DNAH11: variants seen among roughly 807,000 people sequenced by gnomAD.
DNAH11 encodes the protein dynein axonemal heavy chain 11.
In DNAH11, 442 loss-of-function variants were observed where a neutral mutation model predicts 526.0. The ratio of observed to expected loss-of-function variants is 0.84; its 90% CI spans 0.78 to 0.91. DNAH11 has a LOEUF of 0.91. Ranked by LOEUF, DNAH11 falls within the 40% of genes least tolerant of loss-of-function variation. The pLI is 0.00. For synonymous variants in DNAH11, 2,461 were observed against 1,935.9 expected, an observed-to-expected ratio of 1.27 and a Z score of -7.12; for missense variants, 6,989 against 5,448.7, an observed-to-expected ratio of 1.28 and a Z score of -8.90.
intron 62 of DNAH11, among the ~76,000 whole-genome samples, chr7:21,804,082 TTTTTGTTTTGTTTTG>T (rs10549465): frequency 2.3e-3 from 346 of 147,578 alleles, no homozygotes; most frequent in African/African-American, 6.6e-3. Context: ...GTAGTAGTTT[TTTTTGTTTTGTTTTG>T]TTTTGTTTTG....
intron 28 of DNAH11, 139 bp downstream of exon 28, chr7:21,639,204 C>A: frequency 1.9e-6 from 2 of 1,051,744 alleles, no homozygotes; most frequent in Non-Finnish European, 2.7e-6. Context: ...TGTAATGTAG[C>A]ATCAGAGGGA....
chr7:21,854,254 G>C, intron 67 of DNAH11, 61 bp from the exon 68 acceptor site: 1 of 1,553,462 alleles, frequency 6.4e-7, no homozygotes, highest in African/African-American at 1.4e-5. Flanking sequence ...TCCATTCCTT[G>C]GATATGCGTA....
At chr7:21,897,043 C>G (rs1022563764) in intron 79 of DNAH11, among the ~76,000 whole-genome samples, 7 of 152,188 alleles carry the variant, frequency 4.6e-5, no homozygotes, top group African/African-American at 1.7e-4. Context: ...CCACTGCATT[C>G]TAGCCTGGGT....
intron 51 of DNAH11, among the ~76,000 whole-genome samples, chr7:21,745,671 G>A (rs879897421): frequency 1.3e-5 from 2 of 152,172 alleles, no homozygotes; most frequent in East Asian, 1.9e-4. Flanking sequence ...ACATGTTAGC[G>A]ACGAAAATGG....
chr7:21,565,642 A>C (rs1783637189), intron 6 of DNAH11, among the ~76,000 whole-genome samples: 1 of 152,132 alleles, frequency 6.6e-6, no homozygotes, highest in Non-Finnish European at 1.5e-5. Flanking sequence ...ACCTGGATTG[A>C]AATCTAATTT....
chr7:21,824,312 C>T (rs926193673), intron 65 of DNAH11, among the ~76,000 whole-genome samples: 1 of 152,094 alleles, frequency 6.6e-6, no homozygotes, highest in Non-Finnish European at 1.5e-5. Flanking sequence ...TTTGTGCTCC[C>T]CTCCTTGACA....
At chr7:21,856,053 G>C (rs1782834488) in intron 68 of DNAH11, among the ~76,000 whole-genome samples, 1 of 152,116 alleles carries the variant, frequency 6.6e-6, no homozygotes, top group Non-Finnish European at 1.5e-5. Flanking sequence ...AAAGAATTCA[G>C]GGATTCCAGG....
chr7:21,699,300 C>G lies in DNAH11; in HGVS notation c.6180+1087C>G, dbSNP rs551513265. Among the ~76,000 whole-genome samples, 13 of 152,264 alleles carry G rather than the reference C, an allele frequency of 8.5e-5. No homozygotes were observed. The South Asian group carries it at 2.5e-3, about 29-fold the overall frequency. ...AAAATGGGTCAGATTTACATACTCTCTACTCTCCAATCATAAGCTTCTTGA... is the reference window on the plus strand; with the variant it reads ...AAAATGGGTCAGATTTACATACTCTGTACTCTCCAATCATAAGCTTCTTGA... On this transcript the variant is annotated intron_variant, in intron 36 of 81. Transcript: ENST00000409508.
intron 58 of DNAH11, 78 bp downstream of exon 58, chr7:21,784,618 G>C: frequency 9.5e-7 from 1 of 1,049,112 alleles, no homozygotes; most frequent in East Asian, 2.6e-5. Flanking sequence ...ACTGAGCTGA[G>C]AGAGTAGCCC....
intron 28 of DNAH11, among the ~76,000 whole-genome samples, chr7:21,653,600 TC>T (rs1248000872): frequency 1.3e-5 from 2 of 152,324 alleles, no homozygotes; most frequent in East Asian, 3.9e-4. Flanking sequence ...TCTGTGTACT[TC>T]CTGGCCACTT....
chr7:21,567,665 C>G (rs55649657), intron 6 of DNAH11, among the ~76,000 whole-genome samples: 23,957 of 152,206 alleles, frequency 0.16, 2,120 homozygotes, highest in East Asian at 0.23. Context: ...ACTGTCCTTT[C>G]TGATCTACTT....
intron 26 of DNAH11, 140 bp from the exon 27 acceptor site, chr7:21,637,471 T>G: frequency 1.6e-6 from 1 of 641,696 alleles, no homozygotes; most frequent in Non-Finnish European, 2.8e-6. Context: ...AGTAAACAGA[T>G]GTGGTGTCAG....
intron 2 of DNAH11, among the ~76,000 whole-genome samples, chr7:21,545,856 G>A (rs1782786516): frequency 6.6e-6 from 1 of 152,172 alleles, no homozygotes; most frequent in African/African-American, 2.4e-5. Flanking sequence ...CAAATAACCA[G>A]GTTCCATGGA....
chr7:21,641,656 G>A (rs1250767795), intron 28 of DNAH11, among the ~76,000 whole-genome samples: 2 of 152,134 alleles, frequency 1.3e-5, no homozygotes, highest in Non-Finnish European at 2.9e-5. Flanking sequence ...GTGCATCTCT[G>A]ATGCCAGTTG....
At chr7:21,836,394 AAAC>A (rs1781998993) in intron 65 of DNAH11, among the ~76,000 whole-genome samples, 1 of 152,194 alleles carries the variant, frequency 6.6e-6, no homozygotes, top group Non-Finnish European at 1.5e-5. Context: ...ACTTGCGTAA[AAAC>A]AAACACATAG....
chr7:21,590,660 G>A (rs916854872), intron 12 of DNAH11, among the ~76,000 whole-genome samples: 19 of 152,074 alleles, frequency 1.2e-4, no homozygotes, highest in African/African-American at 2.9e-4. Context: ...CTGAGGATTC[G>A]TTCTACTTTC....
At chr7:21,578,266 C>A (rs1003378465) in intron 8 of DNAH11, among the ~76,000 whole-genome samples, 1 of 152,202 alleles carries the variant, frequency 6.6e-6, no homozygotes, top group Admixed American at 6.5e-5. Flanking sequence ...TAAATATTCC[C>A]CTTCCAAATG....
intron 65 of DNAH11, among the ~76,000 whole-genome samples, chr7:21,841,165 A>G (rs1274673197): frequency 6.6e-6 from 1 of 152,172 alleles, no homozygotes; most frequent in East Asian, 1.9e-4. Flanking sequence ...GCCTGGGTGA[A>G]GGAGTGAGAC....
chr7:21,656,198 C>G (rs1296557818), intron 29 of DNAH11, among the ~76,000 whole-genome samples: 1 of 152,104 alleles, frequency 6.6e-6, no homozygotes, highest in Non-Finnish European at 1.5e-5. Flanking sequence ...CCAGCAGGGT[C>G]TCAGAGACGC....
Sources: allele counts gnomAD v4.1 joint callset (sites outside exome capture counted in the v4.1 genomes callset), GRCh38; gene constraint gnomAD v4.1.1; transcripts MANE v1.5; gene names NCBI Gene and HGNC (gene_info 2026-07-23, HGNC 2026-07-21).